The following CTNND2 variants were observed in gnomAD, a reference collection of about 807,000 sequenced individuals.
The protein encoded by CTNND2 is catenin delta 2.
CTNND2 carries 22 observed loss-of-function variants against 144.4 expected under a neutral mutation model. The ratio of observed to expected loss-of-function variants is 0.15; its 90% CI spans 0.11 to 0.22. The LOEUF is 0.22. Ranked by LOEUF, CTNND2 falls within the 10% of genes least tolerant of loss-of-function variation. The probability of loss-of-function intolerance (pLI) is 1.00; values close to 1 mark genes in which losing one functional copy is unlikely to be tolerated. For missense variants in CTNND2, 1,353 were observed against 1,618.8 expected, an observed-to-expected ratio of 0.84 and a Z score of 2.82; for synonymous variants, 751 against 695.6, an observed-to-expected ratio of 1.08 and a Z score of -1.25.
intron 9 of CTNND2, among the ~76,000 whole-genome samples, chr5:11,242,015 G>A (rs780614605): frequency 3.9e-5 from 6 of 151,998 alleles, no homozygotes; most frequent in South Asian, 4.2e-4. Context: ...CAGAGAGGAC[G>A]GCTGTCTGGG....
intron 10 of CTNND2, among the ~76,000 whole-genome samples, chr5:11,216,005 T>C (rs1268650923): frequency 1.3e-5 from 2 of 152,220 alleles, no homozygotes; most frequent in African/African-American, 2.4e-5. Context: ...TGGTCATTAA[T>C]ATGGAATGGA....
intron 13 of CTNND2, among the ~76,000 whole-genome samples, chr5:11,114,626 C>T (rs1753359510): frequency 6.6e-6 from 1 of 152,086 alleles, no homozygotes; most frequent in Non-Finnish European, 1.5e-5. Flanking sequence ...TTTTGGTTAC[C>T]AGGGTCATTT....
Position 11,020,573 on chromosome 5 carries a change from A to T in CTNND2, c.2999+2196T>A, listed in dbSNP as rs990526817. Among the ~76,000 whole-genome samples the T allele has an allele frequency of 2.0e-5, 3 of 152,326 alleles. No individual in the cohort carries two copies. The East Asian group carries it at 5.8e-4, about 29-fold the overall frequency. ...CATACCTACTATTATAATAGAATTG[A>T]GTCAGAAATGGTGAGTTTCATGCTC... On this transcript the variant is annotated intron_variant, in intron 17 of 21. Transcript: ENST00000304623.
At position 11,821,534 on chromosome 5, in the gene CTNND2, CA is replaced by C. The variant is rs562842592; in HGVS notation, c.37+82282del. Among the ~76,000 whole-genome samples the C allele has an allele frequency of 7.5e-4, 110 of 146,100 alleles. No homozygotes were observed. The East Asian group carries it at 0.012, about 16-fold the overall frequency. Reference sequence around the variant, plus strand: ...TTCATGAAGAATAAAATAGCAAAACCAAAAAAAAAAATTTCATCTGATCCTG... The same window carrying C: ...TTCATGAAGAATAAAATAGCAAAACCAAAAAAAAAATTTCATCTGATCCTG... On this transcript the variant is annotated intron_variant, in intron 1 of 21. Coordinates refer to ENST00000304623, the MANE Select transcript of CTNND2 (RefSeq NM_001332.4).
At chr5:11,555,615 C>T (rs748881529) in intron 3 of CTNND2, among the ~76,000 whole-genome samples, 3 of 151,936 alleles carry the variant, frequency 2.0e-5, no homozygotes, top group Admixed American at 2.0e-4. Context: ...AATATCCCTC[C>T]TGCTTTATGA....
intron 1 of CTNND2, among the ~76,000 whole-genome samples, chr5:11,875,675 G>T (rs1735517644): frequency 1.3e-5 from 2 of 152,176 alleles, no homozygotes. Flanking sequence ...AAGCCATCAA[G>T]AACCCAACCC....
intron 1 of CTNND2, among the ~76,000 whole-genome samples, chr5:11,880,501 G>GTACTAC (rs10648206): frequency 7.9e-5 from 10 of 126,032 alleles, no homozygotes; most frequent in Admixed American, 4.7e-4. Flanking sequence ...ACTGCTACTA[G>GTACTAC]TACTACTACT....
At chr5:10,983,769 G>A (rs1042446359) in intron 20 of CTNND2, among the ~76,000 whole-genome samples, 2 of 152,078 alleles carry the variant, frequency 1.3e-5, no homozygotes, top group East Asian at 3.9e-4. Context: ...AACACAAGTT[G>A]GGTTCTGTCT....
chr5:11,299,588 T>C (rs1361277809), intron 9 of CTNND2, among the ~76,000 whole-genome samples: 1 of 152,212 alleles, frequency 6.6e-6, no homozygotes, highest in East Asian at 1.9e-4. Flanking sequence ...CAGAAACCTC[T>C]GGAGAAGCTA....
intron 9 of CTNND2, among the ~76,000 whole-genome samples, chr5:11,338,526 G>A (rs1162163307): frequency 2.6e-5 from 4 of 152,178 alleles, no homozygotes; most frequent in African/African-American, 4.8e-5. Context: ...TTCCACCATC[G>A]CAAAGGATGG....
intron 9 of CTNND2, among the ~76,000 whole-genome samples, chr5:11,289,029 T>C (rs1183234700): frequency 6.6e-6 from 1 of 152,254 alleles, no homozygotes; most frequent in Middle Eastern, 3.4e-3. Context: ...ACCACTGACA[T>C]GATCAGTCTC....
At chr5:11,284,195 G>A (rs1461272547) in intron 9 of CTNND2, among the ~76,000 whole-genome samples, 4 of 152,180 alleles carry the variant, frequency 2.6e-5, no homozygotes, top group Non-Finnish European at 5.9e-5. Context: ...AGCACTCCAG[G>A]GTTGTGCAGG....
intron 9 of CTNND2, among the ~76,000 whole-genome samples, chr5:11,262,918 A>G (rs1288238111): frequency 2.0e-5 from 3 of 152,148 alleles, no homozygotes; most frequent in Non-Finnish European, 2.9e-5. Flanking sequence ...AGAAACTTCA[A>G]AAAAGACTTT....
At chr5:11,744,376 T>C (rs6883413) in intron 1 of CTNND2, among the ~76,000 whole-genome samples, 149,005 of 152,272 alleles carry the variant, frequency 0.98, 72,980 homozygotes, top group East Asian at 1. Context: ...AGCAACAGGT[T>C]AGGCTCTCAG....
intron 3 of CTNND2, among the ~76,000 whole-genome samples, chr5:11,416,461 G>A (rs538987594): frequency 2.0e-4 from 31 of 152,268 alleles, no homozygotes; most frequent in African/African-American, 7.0e-4. Flanking sequence ...CACAGAGAAT[G>A]GAAGTCCCAA....
intron 1 of CTNND2, among the ~76,000 whole-genome samples, chr5:11,754,696 T>C (rs1385373163): frequency 6.6e-6 from 1 of 151,882 alleles, no homozygotes; most frequent in Non-Finnish European, 1.5e-5. Context: ...TTGATCCTTT[T>C]ACCAATATGT....
At chr5:11,783,962 A>C (rs1452181194) in intron 1 of CTNND2, among the ~76,000 whole-genome samples, 1 of 152,218 alleles carries the variant, frequency 6.6e-6, no homozygotes, top group Non-Finnish European at 1.5e-5. Context: ...CAGGGAGTAG[A>C]CTTGTGAACC....
At chr5:11,205,594 A>G (rs1270327907) in intron 10 of CTNND2, among the ~76,000 whole-genome samples, 1 of 152,112 alleles carries the variant, frequency 6.6e-6, no homozygotes, top group East Asian at 1.9e-4. Flanking sequence ...AAAACACACA[A>G]TTTACCTCAC....
At chr5:11,346,308 A>G (rs1273501985) in intron 9 of CTNND2, 64 bp downstream of exon 9, 1 of 1,311,800 alleles carries the variant, frequency 7.6e-7, no homozygotes, top group Non-Finnish European at 9.9e-7. Flanking sequence ...CGTGAAATAA[A>G]TTACAGTACC....
Sources: allele counts gnomAD v4.1 joint callset (sites outside exome capture counted in the v4.1 genomes callset), GRCh38; gene constraint gnomAD v4.1.1; transcripts MANE v1.5; gene names NCBI Gene and HGNC (gene_info 2026-07-23, HGNC 2026-07-21).